The following KIF16B variants were observed in gnomAD, a reference collection of about 807,000 sequenced individuals.
The protein encoded by KIF16B is kinesin family member 16B.
KIF16B carries 98 observed loss-of-function variants against 156.3 expected under a neutral mutation model. The observed-to-expected ratio is 0.63, with a 90% confidence interval of 0.53 to 0.74. The LOEUF (loss-of-function observed/expected upper bound fraction) is 0.74, where lower values mean the gene tolerates loss of function less well. Ranked by LOEUF, KIF16B falls within the 30% of genes least tolerant of loss-of-function variation. The probability of loss-of-function intolerance (pLI) is 0.00; values close to 1 mark genes in which losing one functional copy is unlikely to be tolerated. For synonymous variants in KIF16B, 564 were observed against 583.7 expected, an observed-to-expected ratio of 0.97 and a Z score of 0.49; for missense variants, 1,421 against 1,606.5, an observed-to-expected ratio of 0.88 and a Z score of 1.97.
chr20:16,371,642 GT>G, intron 21 of KIF16B, 22 bp downstream of exon 21: 1 of 1,305,682 alleles, frequency 7.7e-7, no homozygotes, highest in Non-Finnish European at 1.1e-6. Context: ...GTTACTTCGT[GT>G]TACTTGGCTC....
chr20:16,286,801 T>C (rs1424730757), intron 25 of KIF16B, among the ~76,000 whole-genome samples: 1 of 152,214 alleles, frequency 6.6e-6, no homozygotes, highest in Non-Finnish European at 1.5e-5. Flanking sequence ...GTGGCCCCAA[T>C]GAACCACATC....
At chr20:16,400,074 T>G (rs2065611348) in intron 17 of KIF16B, among the ~76,000 whole-genome samples, 1 of 152,204 alleles carries the variant, frequency 6.6e-6, no homozygotes, top group African/African-American at 2.4e-5. Context: ...TTGGACTGAC[T>G]GGGTTTTGAG....
At chr20:16,422,317 C>T (rs994723308) in intron 15 of KIF16B, among the ~76,000 whole-genome samples, 6 of 152,068 alleles carry the variant, frequency 3.9e-5, no homozygotes, top group African/African-American at 1.4e-4. Context: ...TTCCTTTTGT[C>T]TTTTTGGTGT....
chr20:16,426,770 T>TA lies in KIF16B; in HGVS notation c.1612+333dup, dbSNP rs200944869. ...TATCTATTAAGATGAATATAAATAATAGAAATAAAATTATTAAAAGAAACC... is the reference window on the plus strand; with the variant it reads ...TATCTATTAAGATGAATATAAATAATAAGAAATAAAATTATTAAAAGAAACC... On this transcript the variant is annotated intron_variant, in intron 15 of 25. Coordinates refer to ENST00000354981, the MANE Select transcript of KIF16B (RefSeq NM_024704.5). 8.3e-3 allele frequency among the ~76,000 whole-genome samples: 1,262 copies of TA among 152,224 alleles called. 22 individuals carry two copies. Among genetic ancestry groups the TA allele is most frequent in the African/African-American group, 0.029 (1,199 of 41,558 alleles).
chr20:16,509,668 G>C (rs1275262461), intron 6 of KIF16B, among the ~76,000 whole-genome samples: 1 of 152,122 alleles, frequency 6.6e-6, no homozygotes, highest in Non-Finnish European at 1.5e-5. Flanking sequence ...ACTGGTTGTT[G>C]AATCTGTCCT....
At chr20:16,368,653 A>AT in intron 22 of KIF16B, 1 of 985,878 alleles carries the variant, frequency 1.0e-6, no homozygotes, top group Non-Finnish European at 1.2e-6. Context: ...CGATGAGCTC[A>AT]TTTTTTTAGC....
At chr20:16,410,323 A>ATGTGTG (rs372810868) in intron 15 of KIF16B, among the ~76,000 whole-genome samples, 6 of 146,078 alleles carry the variant, frequency 4.1e-5, no homozygotes, top group African/African-American at 1.5e-4. Flanking sequence ...GTGTGTGTAT[A>ATGTGTG]TGTGTGTGTG....
At chr20:16,436,848 G>A (rs1194766617) in intron 12 of KIF16B, among the ~76,000 whole-genome samples, 2 of 152,180 alleles carry the variant, frequency 1.3e-5, no homozygotes, top group Non-Finnish European at 2.9e-5. Flanking sequence ...AAGGAAGGAT[G>A]AAAACAGCGG....
In KIF16B at chr20:16,552,333, A is replaced by G. The variant is rs928477749; in HGVS notation, c.47+20896T>C. On this transcript the variant is annotated intron_variant, in intron 1 of 25. Coordinates refer to ENST00000354981, the MANE Select transcript of KIF16B (RefSeq NM_024704.5). ...AAAATAAACAAGTGGATAAAATCAT[A>G]TCACGCTGAAGCCAGAGAACTCAAA... 2.2e-4 allele frequency among the ~76,000 whole-genome samples: 33 copies of G among 152,242 alleles called. 1 individual carries two copies. Among genetic ancestry groups the G allele is most frequent in the Admixed American group, 1.4e-3 (22 of 15,286 alleles).
intron 25 of KIF16B, among the ~76,000 whole-genome samples, chr20:16,311,920 T>C (rs1455926208): frequency 1.3e-5 from 2 of 152,198 alleles, no homozygotes; most frequent in Non-Finnish European, 2.9e-5. Context: ...AAAATAGGTA[T>C]GTGTCTTTTT....
At chr20:16,517,557 T>C (rs1244626319) in intron 3 of KIF16B, among the ~76,000 whole-genome samples, 1 of 152,194 alleles carries the variant, frequency 6.6e-6, no homozygotes, top group Non-Finnish European at 1.5e-5. Context: ...GAGCTGGGAC[T>C]GCATGCAGGA....
chr20:16,379,577 C>G lies in KIF16B; in HGVS notation c.2425G>C (p.Ala809Pro), dbSNP rs954513936. 11 of 1,614,054 alleles carry G rather than the reference C, an allele frequency of 6.8e-6. No individual in the cohort carries two copies. Among genetic ancestry groups the G allele is most frequent in the Non-Finnish European group, 9.3e-6 (11 of 1,180,036 alleles). ...ESLLRVKEAR[A>P]GGDEDGEELE... ...TCCTCGCCATCTTCATCCCCTCCGGCACGAGCCTCCTTCACCCGCAGGAGG... is the reference window on the plus strand; with the variant it reads ...TCCTCGCCATCTTCATCCCCTCCGGGACGAGCCTCCTTCACCCGCAGGAGG... Residue 809 changes from alanine (A) to proline (P), a missense_variant, in exon 19 of 26, where the codon GCC (alanine) becomes CCC (proline). Ala to Pro is a conservative substitution (Grantham distance 27, BLOSUM62 -1). Transcript: ENST00000354981.
intron 10 of KIF16B, among the ~76,000 whole-genome samples, chr20:16,499,151 C>A (rs1035892690): frequency 2.0e-5 from 3 of 152,066 alleles, no homozygotes; most frequent in Non-Finnish European, 2.9e-5. Context: ...GTCTGTGGGA[C>A]CCACCCTGGT....
At chr20:16,472,706 G>A (rs1482742374) in intron 12 of KIF16B, among the ~76,000 whole-genome samples, 6 of 151,954 alleles carry the variant, frequency 3.9e-5, no homozygotes, top group African/African-American at 7.3e-5. Context: ...CATGCCACGC[G>A]CTCTCACTAC....
intron 22 of KIF16B, among the ~76,000 whole-genome samples, chr20:16,363,979 C>T (rs868711068): frequency 3.3e-5 from 5 of 152,156 alleles, no homozygotes; most frequent in Admixed American, 6.5e-5. Flanking sequence ...TCATTAGAAA[C>T]TGGTCTATCC....
chr20:16,484,907 GA>G (rs956633738), intron 12 of KIF16B, among the ~76,000 whole-genome samples: 1 of 152,080 alleles, frequency 6.6e-6, no homozygotes, highest in African/African-American at 2.4e-5. Flanking sequence ...GTAAAATAGA[GA>G]AAAAAGGATG....
chr20:16,298,458 C>A (rs2063423248), intron 25 of KIF16B, among the ~76,000 whole-genome samples: 1 of 152,126 alleles, frequency 6.6e-6, no homozygotes. Flanking sequence ...ATGTATGTGT[C>A]CAGGAATTTA....
chr20:16,277,524 T>G (rs1401927855), intron 25 of KIF16B, among the ~76,000 whole-genome samples: 1 of 150,868 alleles, frequency 6.6e-6, no homozygotes, highest in Non-Finnish European at 1.5e-5. Context: ...CACATTCATA[T>G]TAGTAATTTT....
At chr20:16,510,641 T>C (rs1001134338) in intron 6 of KIF16B, among the ~76,000 whole-genome samples, 1 of 152,124 alleles carries the variant, frequency 6.6e-6, no homozygotes, top group African/African-American at 2.4e-5. Context: ...AGAGCAAGAC[T>C]CCGTCCCAAA....
Sources: allele counts gnomAD v4.1 joint callset (sites outside exome capture counted in the v4.1 genomes callset), GRCh38; gene constraint gnomAD v4.1.1; transcripts MANE v1.5; gene names NCBI Gene and HGNC (gene_info 2026-07-23, HGNC 2026-07-21).